The following JAKMIP1 variants were observed in gnomAD, a reference collection of about 807,000 sequenced individuals.
The protein encoded by JAKMIP1 is janus kinase and microtubule-interacting protein 1.
Under a neutral mutation model 113.0 loss-of-function variants are expected in JAKMIP1, and 33 were observed. The ratio of observed to expected loss-of-function variants is 0.29; its 90% CI spans 0.22 to 0.39. The LOEUF (loss-of-function observed/expected upper bound fraction) is 0.39, where lower values mean the gene tolerates loss of function less well. JAKMIP1 is among the 10% of genes least tolerant of loss of function. The probability of loss-of-function intolerance (pLI) is 1.00; values close to 1 mark genes in which losing one functional copy is unlikely to be tolerated. For synonymous variants in JAKMIP1, 480 were observed against 459.9 expected, an observed-to-expected ratio of 1.04 and a Z score of -0.56; for missense variants, 813 against 1,080.5, an observed-to-expected ratio of 0.75 and a Z score of 3.47.
intron 1 of JAKMIP1, among the ~76,000 whole-genome samples, chr4:6,148,651 G>C (rs1020899162): frequency 3.9e-5 from 6 of 152,246 alleles, no homozygotes; most frequent in Non-Finnish European, 7.3e-5. Flanking sequence ...GAGGATGCAG[G>C]CTGAGCCTGC....
At chr4:6,161,661 A>G (rs1476005384) in intron 1 of JAKMIP1, among the ~76,000 whole-genome samples, 1 of 152,116 alleles carries the variant, frequency 6.6e-6, no homozygotes, top group East Asian at 1.9e-4. Context: ...TGGACTCAGG[A>G]AGTCCACCTT....
chr4:6,169,382 G>A (rs1578445989), intron 1 of JAKMIP1, among the ~76,000 whole-genome samples: 2 of 151,352 alleles, frequency 1.3e-5, no homozygotes, highest in East Asian at 3.9e-4. Context: ...TGACGATGGA[G>A]GCAGAGCCTG....
In JAKMIP1 at chr4:6,187,482, G is replaced by A. The variant is rs1390644667; in HGVS notation, c.-148+12771C>T. 6.6e-6 allele frequency among the ~76,000 whole-genome samples: 1 copy of A among 152,250 alleles called. No individual in the cohort carries two copies. Among genetic ancestry groups the A allele is most frequent in the Non-Finnish European group, 1.5e-5 (1 of 68,048 alleles). ...CACCAGTATGATAGCATTAGAAGGT[G>A]AGGCGTTTGGCAAGTGATTAGGTCA... On this transcript the variant is annotated intron_variant, in intron 1 of 20. Transcript: ENST00000409021. The surrounding 1 kb of genome is among the most constrained non-coding windows in gnomAD (Gnocchi z 4.2).
At chr4:6,119,886 C>G (rs944966122) in intron 1 of JAKMIP1, among the ~76,000 whole-genome samples, 1 of 152,190 alleles carries the variant, frequency 6.6e-6, no homozygotes, top group Non-Finnish European at 1.5e-5. Flanking sequence ...GCTTTCCAAC[C>G]CAGGTCTCCT....
intron 20 of JAKMIP1, among the ~76,000 whole-genome samples, 200 bp downstream of exon 20, chr4:6,029,516 C>T (rs1363897048): frequency 6.6e-6 from 1 of 152,024 alleles, no homozygotes; most frequent in Non-Finnish European, 1.5e-5. Context: ...TTTTTGACAG[C>T]CATTGAGAAG....
At chr4:6,029,651 A>T in intron 20 of JAKMIP1, 65 bp downstream of exon 20, 1 of 1,069,476 alleles carries the variant, frequency 9.4e-7, no homozygotes. Flanking sequence ...TTATGAAATA[A>T]AATGATTCCG....
At chr4:6,130,157 T>C (rs1000349772) in intron 1 of JAKMIP1, among the ~76,000 whole-genome samples, 13 of 152,208 alleles carry the variant, frequency 8.5e-5, no homozygotes, top group African/African-American at 2.4e-4. Context: ...GGCAAAGTCC[T>C]GCCCAATGAA....
chr4:6,148,212 G>A (rs913325320), intron 1 of JAKMIP1, among the ~76,000 whole-genome samples: 2 of 152,206 alleles, frequency 1.3e-5, no homozygotes, highest in Admixed American at 1.3e-4. Context: ...AATAGCAGCT[G>A]GAGTGGACTG....
intron 1 of JAKMIP1, among the ~76,000 whole-genome samples, chr4:6,122,645 C>T (rs1296723712): frequency 1.3e-5 from 2 of 152,298 alleles, no homozygotes; most frequent in East Asian, 1.9e-4. Flanking sequence ...AAGCAAGTGC[C>T]GGCTCTAGGA....
intron 2 of JAKMIP1, among the ~76,000 whole-genome samples, chr4:6,109,305 T>G (rs979450353): frequency 2.0e-5 from 3 of 151,926 alleles, no homozygotes; most frequent in Non-Finnish European, 2.9e-5. Flanking sequence ...GCTAATTTTT[T>G]TATATTTTTA....
chr4:6,103,214 A>T lies in JAKMIP1; in HGVS notation c.624+2259T>A, dbSNP rs556010022. 6.4e-4 allele frequency among the ~76,000 whole-genome samples: 98 copies of T among 152,252 alleles called. 1 individual carries two copies. Among genetic ancestry groups the T allele is most frequent in the Admixed American group, 6.0e-3 (92 of 15,294 alleles). On this transcript the variant is annotated intron_variant, in intron 3 of 20. Coordinates refer to ENST00000409021, the MANE Select transcript of JAKMIP1 (RefSeq NM_001099433.2). The stretch of plus-strand genomic sequence containing the variant: ...TTTTCCTGGTTTTCGGAGAGTTTAT[A>T]TCATGAAGTTGAATTTTACCAACAG...
At chr4:6,039,138 G>C (rs969021948) in intron 18 of JAKMIP1, among the ~76,000 whole-genome samples, 1 of 152,218 alleles carries the variant, frequency 6.6e-6, no homozygotes, top group Non-Finnish European at 1.5e-5. Flanking sequence ...GCTTCTGTAT[G>C]GTGGCAGAAC....
intron 9 of JAKMIP1, among the ~76,000 whole-genome samples, chr4:6,062,812 G>T (rs1172393473): frequency 1.3e-5 from 2 of 152,206 alleles, no homozygotes; most frequent in Admixed American, 6.5e-5. Flanking sequence ...CATTGTAAAG[G>T]GTGTCCCCTC....
In JAKMIP1 at chr4:6,139,520, C is replaced by T. The variant is rs1719786814; in HGVS notation, c.-147-26523G>A. Among the ~76,000 whole-genome samples the T allele has an allele frequency of 1.3e-5, 2 of 152,120 alleles. No homozygotes were observed. On this transcript the variant is annotated intron_variant, in intron 1 of 20. Transcript: ENST00000409021. The surrounding 1 kb of genome is among the most constrained non-coding windows in gnomAD (Gnocchi z 5.2). ...TGGTGGCTCACGCCTGTAACCCCAG[C>T]ACTTTGGGAGGCTGAGGCAGGCGGA...
In JAKMIP1 at chr4:6,049,967, G is replaced by A. The variant is rs185318276; in HGVS notation, c.1909-95C>T. On this transcript the variant is annotated intron_variant, in intron 14 of 20. Transcript: ENST00000409021. The surrounding 1 kb of genome is among the most constrained non-coding windows in gnomAD (Gnocchi z 7.0). ...CGGCCTTTCCTCTGGACAAGACACCGCGCTCTTTCTTTTCTTTTCTGGCCA... is the reference window on the plus strand; with the variant it reads ...CGGCCTTTCCTCTGGACAAGACACCACGCTCTTTCTTTTCTTTTCTGGCCA... 15 of 841,386 alleles carry A rather than the reference G, an allele frequency of 1.8e-5. No individual in the cohort carries two copies. Among genetic ancestry groups the A allele is most frequent in the East Asian group, 2.5e-5 (1 of 39,328 alleles). The allele number at this position is 841,386 out of a possible 1,614,324, so 52.1% of individuals were successfully genotyped here.
chr4:6,133,589 T>A (rs905346234), intron 1 of JAKMIP1, among the ~76,000 whole-genome samples: 3 of 152,170 alleles, frequency 2.0e-5, no homozygotes, highest in African/African-American at 7.2e-5. Context: ...TGCCTGATAG[T>A]GGGTGGTGGG....
intron 1 of JAKMIP1, among the ~76,000 whole-genome samples, chr4:6,130,172 G>A (rs769016258): frequency 6.6e-6 from 1 of 152,212 alleles, no homozygotes; most frequent in African/African-American, 2.4e-5. Flanking sequence ...AATGAAGTGG[G>A]GGACTCTATA....
intron 1 of JAKMIP1, among the ~76,000 whole-genome samples, chr4:6,152,884 T>A (rs1046047879): frequency 1.3e-5 from 2 of 150,742 alleles, no homozygotes; most frequent in African/African-American, 4.9e-5. Flanking sequence ...GGCAGGAGAA[T>A]CACTTGAACC....
intron 1 of JAKMIP1, among the ~76,000 whole-genome samples, chr4:6,145,812 G>A (rs1264633938): frequency 6.6e-6 from 1 of 152,112 alleles, no homozygotes; most frequent in African/African-American, 2.4e-5. Flanking sequence ...GTCTTCACAT[G>A]GTCATCCCTC....
Sources: gnomAD v4.1 joint callset for allele counts (sites outside exome capture counted in the v4.1 genomes callset) on GRCh38, gnomAD v4.1.1 for gene constraint, Gnocchi (gnomAD v3.1) non-coding constraint, MANE v1.5 for transcripts, NCBI Gene and HGNC (gene_info 2026-07-23, HGNC 2026-07-21) for gene names.